STXBP6: variants seen among roughly 807,000 people sequenced by gnomAD.
STXBP6 encodes syntaxin-binding protein 6.
In STXBP6, 21 loss-of-function variants were observed where a neutral mutation model predicts 26.9. The ratio of observed to expected loss-of-function variants is 0.78; its 90% confidence interval spans 0.55 to 1.12. The LOEUF is 1.12. Among genes scored for constraint, STXBP6 ranks in the 50% most tolerant of loss-of-function variants. The pLI, the probability that STXBP6 is intolerant of heterozygous loss-of-function variation, is 0.00. For missense variants in STXBP6, 232 were observed against 257.9 expected, an observed-to-expected ratio of 0.90 and a Z score of 0.69; for synonymous variants, 97 against 92.6, an observed-to-expected ratio of 1.05 and a Z score of -0.27.
At chr14:25,021,877 T>C (rs2075268663) in intron 1 of STXBP6, among the ~76,000 whole-genome samples, 1 of 152,174 alleles carries the variant, frequency 6.6e-6, no homozygotes, top group Admixed American at 6.5e-5. Context: ...CATTTCCCTC[T>C]CAACGCTATT....
chr14:25,002,359 C>CTTTTTTTTTTTTTTTTTTTTTTT lies in STXBP6; in HGVS notation c.-32-27510_-32-27509insAAAAAAAAAAAAAAAAAAAAAAA, dbSNP rs747010332. On this transcript the variant is annotated intron_variant, in intron 1 of 5. Coordinates refer to ENST00000323944, the MANE Select transcript of STXBP6 (RefSeq NM_001394410.1). ...ATCCCATACAGTTAAATTCTTATGA[C>CTTTTTTTTTTTTTTTTTTTTTTT]TTTTTTTTTTTTTTTTTTGAGACAC... Among the ~76,000 whole-genome samples, 58 of 121,338 alleles carry CTTTTTTTTTTTTTTTTTTTTTTT rather than the reference C, an allele frequency of 4.8e-4. 4 individuals carry two copies. The highest frequency in any genetic ancestry group is 6.4e-4 in the African/African-American group (19 of 29,632). The allele number at this position is 121,338 out of a possible 152,430, so 79.6% of individuals were successfully genotyped here.
chr14:24,875,821 C>A (rs374556446), intron 2 of STXBP6, among the ~76,000 whole-genome samples: 1 of 151,602 alleles, frequency 6.6e-6, no homozygotes, highest in Non-Finnish European at 1.5e-5. Context: ...GTAAGGGTGG[C>A]GGGAGGGGAA....
chr14:24,937,617 C>CAT (rs111815475), intron 2 of STXBP6, among the ~76,000 whole-genome samples: 3,775 of 151,920 alleles, frequency 0.025, 128 homozygotes, highest in African/African-American at 0.079. Flanking sequence ...ATGTAAAACA[C>CAT]ATATATATAT....
intron 4 of STXBP6, among the ~76,000 whole-genome samples, chr14:24,848,715 T>C (rs2069046815): frequency 6.6e-6 from 1 of 152,164 alleles, no homozygotes; most frequent in East Asian, 1.9e-4. Flanking sequence ...GTGACCCATT[T>C]TTCCTTAGTT....
intron 1 of STXBP6, among the ~76,000 whole-genome samples, chr14:24,976,137 T>G (rs2077562): frequency 0.24 from 36,432 of 152,112 alleles, 5,607 homozygotes; most frequent in African/African-American, 0.43. Context: ...AATCAAGACA[T>G]GGTCCCAGTT....
intron 2 of STXBP6, among the ~76,000 whole-genome samples, chr14:24,883,418 C>A (rs143699684): frequency 1.3e-5 from 2 of 152,268 alleles, no homozygotes; most frequent in East Asian, 1.9e-4. Flanking sequence ...TGTCCTCTAT[C>A]TATTCTGGGA....
chr14:24,830,660 G>A (rs1329258119), intron 4 of STXBP6, among the ~76,000 whole-genome samples: 1 of 152,148 alleles, frequency 6.6e-6, no homozygotes, highest in Non-Finnish European at 1.5e-5. Flanking sequence ...GAGTCAGTAA[G>A]TCAAACAGAT....
intron 2 of STXBP6, among the ~76,000 whole-genome samples, chr14:24,885,232 C>T (rs1013567696): frequency 2.0e-5 from 3 of 152,190 alleles, no homozygotes; most frequent in African/African-American, 7.2e-5. Context: ...AGAAAAACCA[C>T]ACCTGATACG....
At chr14:25,034,245 C>T (rs1313445624) in intron 1 of STXBP6, among the ~76,000 whole-genome samples, 1 of 152,128 alleles carries the variant, frequency 6.6e-6, no homozygotes, top group African/African-American at 2.4e-5. Context: ...AACTTGACCC[C>T]TAACACCCCC....
intron 2 of STXBP6, among the ~76,000 whole-genome samples, chr14:24,973,680 C>T (rs980470565): frequency 6.6e-6 from 1 of 152,072 alleles, no homozygotes; most frequent in Non-Finnish European, 1.5e-5. Context: ...AGCCACCGCG[C>T]CTGGCCCTTT....
At chr14:24,836,686 T>C (rs140117287) in intron 4 of STXBP6, among the ~76,000 whole-genome samples, 1 of 150,042 alleles carries the variant, frequency 6.7e-6, no homozygotes, top group East Asian at 2.0e-4. Context: ...AAATTTTCCC[T>C]ATGTTAGTCC....
At chr14:24,861,437 T>C (rs1485653019) in intron 2 of STXBP6, among the ~76,000 whole-genome samples, 1 of 152,156 alleles carries the variant, frequency 6.6e-6, no homozygotes, top group African/African-American at 2.4e-5. Context: ...TGTGGCTTCT[T>C]GGTGCTGCTG....
chr14:24,973,448 T>C (rs936413331), intron 2 of STXBP6, among the ~76,000 whole-genome samples: 5 of 145,516 alleles, frequency 3.4e-5, no homozygotes, highest in African/African-American at 1.3e-4. Context: ...TGCAGTGGTG[T>C]GATCTCGGCT....
At chr14:24,941,431 A>T (rs1272211767) in intron 2 of STXBP6, among the ~76,000 whole-genome samples, 1 of 152,234 alleles carries the variant, frequency 6.6e-6, no homozygotes, top group African/African-American at 2.4e-5. Flanking sequence ...AGGAAATAGG[A>T]AATGTGATTA....
chr14:24,862,370 C>T (rs1347467492), intron 2 of STXBP6, among the ~76,000 whole-genome samples: 2 of 152,056 alleles, frequency 1.3e-5, no homozygotes, highest in Non-Finnish European at 2.9e-5. Context: ...ACAACAAAAA[C>T]GGTGGTACTT....
In STXBP6 at chr14:24,810,112, C is replaced by G. The variant is rs902693602; in HGVS notation, c.*2597G>C. On this transcript the variant is annotated 3_prime_UTR_variant, in exon 6 of 6. Transcript: ENST00000323944. The stretch of plus-strand genomic sequence containing the variant: ...TAGTGAGAAATACTACAGCTATATT[C>G]CAGGAAGAAGTGGTAATACTGGAAA... The G allele has an allele frequency of 5.3e-5, 8 of 152,286 alleles. 2 individuals carry two copies. The highest frequency in any genetic ancestry group is 3.9e-4 in the Admixed American group (6 of 15,292). The allele number at this position is 152,286 out of a possible 1,614,324, so 9.4% of individuals were successfully genotyped here.
intron 2 of STXBP6, among the ~76,000 whole-genome samples, chr14:24,942,015 T>C (rs948451419): frequency 6.6e-5 from 10 of 152,330 alleles, no homozygotes; most frequent in African/African-American, 1.9e-4. Flanking sequence ...TCTTTCTGTG[T>C]CTGAGAAACA....
chr14:24,914,939 T>C (rs1334181162), intron 2 of STXBP6, among the ~76,000 whole-genome samples: 6 of 152,204 alleles, frequency 3.9e-5, no homozygotes, highest in Non-Finnish European at 7.3e-5. Context: ...GGCAGCAGGA[T>C]TGCTGAGAAG....
chr14:24,981,841 T>A (rs756725125), intron 1 of STXBP6, among the ~76,000 whole-genome samples: 1 of 152,120 alleles, frequency 6.6e-6, no homozygotes, highest in Non-Finnish European at 1.5e-5. Context: ...GTATAGCCCA[T>A]CCACCCAACA....
Sources: allele counts gnomAD v4.1 joint callset (sites outside exome capture counted in the v4.1 genomes callset), GRCh38; gene constraint gnomAD v4.1.1; transcripts MANE v1.5; gene names NCBI Gene and HGNC (gene_info 2026-07-23, HGNC 2026-07-21).